Variants in NALCN observed in about 807,000 individuals in gnomAD.
The protein encoded by NALCN is sodium leak channel, non-selective.
A neutral mutation model predicts 225.3 loss-of-function variants in NALCN; 111 were observed. The ratio of observed to expected loss-of-function variants is 0.49; its 90% CI spans 0.42 to 0.58. The LOEUF (loss-of-function observed/expected upper bound fraction) is 0.58. NALCN is among the 20% of genes least tolerant of loss of function. The pLI is 0.00. For missense variants in NALCN, 1,378 were observed against 2,202.4 expected, an observed-to-expected ratio of 0.63 and a Z score of 7.49; for synonymous variants, 764 against 769.0, an observed-to-expected ratio of 0.99 and a Z score of 0.11.
At chr13:101,187,172 A>G (rs1256275880) in intron 14 of NALCN, among the ~76,000 whole-genome samples, 2 of 152,216 alleles carry the variant, frequency 1.3e-5, no homozygotes, top group Non-Finnish European at 2.9e-5. Context: ...GCGTATTCAC[A>G]TAACTTTTAT....
intron 13 of NALCN, among the ~76,000 whole-genome samples, chr13:101,218,059 C>A (rs2040807187): frequency 6.6e-6 from 1 of 152,132 alleles, no homozygotes; most frequent in Non-Finnish European, 1.5e-5. Flanking sequence ...AATTTTAATT[C>A]TAGGAATGAC....
chr13:101,120,685 T>C (rs1328738311), intron 18 of NALCN, among the ~76,000 whole-genome samples: 1 of 151,980 alleles, frequency 6.6e-6, no homozygotes, highest in African/African-American at 2.4e-5. Context: ...ATCACCCAAG[T>C]CAAGAAGGAG....
At chr13:101,232,312 G>T (rs747311772) in intron 12 of NALCN, among the ~76,000 whole-genome samples, 2 of 151,300 alleles carry the variant, frequency 1.3e-5, no homozygotes, top group Non-Finnish European at 2.9e-5. Flanking sequence ...TAAACCAATT[G>T]AAAAAAAATG....
At chr13:101,098,982 T>C (rs2034662887) in intron 27 of NALCN, among the ~76,000 whole-genome samples, 1 of 151,912 alleles carries the variant, frequency 6.6e-6, no homozygotes, top group Non-Finnish European at 1.5e-5. Context: ...TCTGTGTCTA[T>C]GCTCATCTGC....
At chr13:101,160,761 C>T (rs1292975834) in intron 15 of NALCN, among the ~76,000 whole-genome samples, 1 of 152,010 alleles carries the variant, frequency 6.6e-6, no homozygotes, top group Non-Finnish European at 1.5e-5. Flanking sequence ...AGAAACCGGG[C>T]CAAAGACAGG....
At chr13:101,208,758 T>C (rs1293491517) in intron 13 of NALCN, among the ~76,000 whole-genome samples, 1 of 152,214 alleles carries the variant, frequency 6.6e-6, no homozygotes, top group African/African-American at 2.4e-5. Context: ...TTGAAAGAGT[T>C]GGCGCCTCCT....
intron 15 of NALCN, among the ~76,000 whole-genome samples, chr13:101,159,481 G>A (rs995025786): frequency 3.3e-5 from 5 of 152,008 alleles, no homozygotes; most frequent in African/African-American, 9.7e-5. Flanking sequence ...GCCAGGGGTC[G>A]GAGCAGAAAT....
At chr13:101,219,283 A>G (rs1211905812) in intron 13 of NALCN, among the ~76,000 whole-genome samples, 3 of 152,104 alleles carry the variant, frequency 2.0e-5, no homozygotes, top group African/African-American at 7.2e-5. Flanking sequence ...TTTGCAACGG[A>G]ATTATGCAGA....
intron 14 of NALCN, among the ~76,000 whole-genome samples, chr13:101,181,634 G>A (rs1338043231): frequency 6.6e-6 from 1 of 151,890 alleles, no homozygotes; most frequent in East Asian, 1.9e-4. Context: ...AGCTACTTGG[G>A]AGGAGGCTGA....
At chr13:101,093,850 CCGGTT>C (rs1302754829) in intron 28 of NALCN, among the ~76,000 whole-genome samples, 2 of 152,136 alleles carry the variant, frequency 1.3e-5, no homozygotes, top group African/African-American at 2.4e-5. Context: ...CTCAAGGACC[CCGGTT>C]TGAGGAAAGG....
At chr13:101,076,008 T>A in intron 34 of NALCN, 67 bp from the exon 35 acceptor site, 1 of 1,384,000 alleles carries the variant, frequency 7.2e-7, no homozygotes, top group Non-Finnish European at 1.0e-6. Flanking sequence ...TTCCATTTTT[T>A]AAGCCTTCTG....
intron 17 of NALCN, among the ~76,000 whole-genome samples, chr13:101,129,739 T>C (rs1285275916): frequency 6.7e-6 from 1 of 149,790 alleles, no homozygotes; most frequent in Non-Finnish European, 1.5e-5. Flanking sequence ...TTTTTAGTTA[T>C]ACTTTAAGTT....
intron 27 of NALCN, among the ~76,000 whole-genome samples, chr13:101,096,930 T>TA (rs2034539391): frequency 6.6e-6 from 1 of 152,180 alleles, no homozygotes; most frequent in Admixed American, 6.5e-5. Context: ...AATTCCATTT[T>TA]AATCTGCTTC....
chr13:101,358,973 C>T (rs2046143889), intron 6 of NALCN, among the ~76,000 whole-genome samples: 1 of 152,048 alleles, frequency 6.6e-6, no homozygotes, highest in Admixed American at 6.5e-5. Context: ...CATGTTCTCA[C>T]TCATAAGTGG....
chr13:101,371,070 G>T (rs1313533055), intron 6 of NALCN, among the ~76,000 whole-genome samples: 2 of 152,100 alleles, frequency 1.3e-5, no homozygotes, highest in Non-Finnish European at 2.9e-5. Context: ...TATCCAAGAT[G>T]CTGTATACAT....
chr13:101,225,425 T>A (rs988847547), intron 13 of NALCN, among the ~76,000 whole-genome samples: 7 of 152,190 alleles, frequency 4.6e-5, no homozygotes, highest in Admixed American at 1.3e-4. Flanking sequence ...AGGAGGAGCA[T>A]CCAAGTCATT....
intron 9 of NALCN, among the ~76,000 whole-genome samples, chr13:101,287,591 G>C (rs1338553916): frequency 6.6e-6 from 1 of 152,200 alleles, no homozygotes; most frequent in African/African-American, 2.4e-5. Context: ...CATTAGACTA[G>C]TGCAGATCTC....
At chr13:101,346,898 C>T (rs1409724857) in intron 6 of NALCN, among the ~76,000 whole-genome samples, 3 of 152,054 alleles carry the variant, frequency 2.0e-5, no homozygotes, top group South Asian at 2.1e-4. Flanking sequence ...CACTAATTTC[C>T]CACTACATCA....
intron 7 of NALCN, among the ~76,000 whole-genome samples, chr13:101,318,187 G>A (rs1018162240): frequency 1.6e-4 from 25 of 152,126 alleles, no homozygotes; most frequent in Middle Eastern, 3.2e-3. Context: ...CTGCCCACCC[G>A]GCCTGGCAGG....
Sources: allele counts gnomAD v4.1 joint callset (sites outside exome capture counted in the v4.1 genomes callset), GRCh38; gene constraint gnomAD v4.1.1; transcripts MANE v1.5; gene names NCBI Gene and HGNC (gene_info 2026-07-23, HGNC 2026-07-21).